Variants in LAT2 observed in about 807,000 individuals in gnomAD.
The protein encoded by LAT2 is linker for activation of T cells family member 2.
LAT2 carries 23 observed loss-of-function variants against 43.4 expected under a neutral mutation model. That is an observed-to-expected ratio of 0.53 (90% CI 0.38 to 0.75). LAT2 has a LOEUF of 0.75. LAT2 is among the 30% of genes least tolerant of loss of function. The pLI is 0.00. For synonymous variants in LAT2, 128 were observed against 123.2 expected, an observed-to-expected ratio of 1.04 and a Z score of -0.26; for missense variants, 284 against 310.2, an observed-to-expected ratio of 0.92 and a Z score of 0.64.
At chr7:74,218,117 CCCCA>C (rs1802109080) in intron 4 of LAT2, among the ~76,000 whole-genome samples, 1 of 152,136 alleles carries the variant, frequency 6.6e-6, no homozygotes, top group Non-Finnish European at 1.5e-5. Flanking sequence ...GACTCAGCGT[CCCCA>C]TGTGGGAGGT....
At chr7:74,215,758 C>A (rs782458804) in intron 2 of LAT2, among the ~76,000 whole-genome samples, 189 bp from the exon 3 acceptor site, 54 of 152,102 alleles carry the variant, frequency 3.6e-4, no homozygotes, top group Non-Finnish European at 6.6e-4. Context: ...GCCCACAGGG[C>A]AGAGGTGTTG....
At position 74,223,757 on chromosome 7, in the gene LAT2, T is replaced by C. The variant is rs782405752; in HGVS notation, c.422T>C (p.Ile141Thr). ...GCCAATTCCTACGAGAATGTGCTCA[T>C]TTGCAAGCAGAAAACCACAGAGACA... is the stretch of plus-strand genomic sequence containing the variant. ...DDANSYENVL[I>T]CKQKTTETGA... The change falls in exon 11 of 14, where the codon ATT becomes ACT. Residue 141 changes from isoleucine (I) to threonine (T), a missense_variant. Physicochemically the swap from Ile to Thr is moderately conservative, Grantham distance 89. Coordinates refer to ENST00000460943, the MANE Select transcript of LAT2 (RefSeq NM_032464.3). The C allele has an allele frequency of 1.9e-6, 3 of 1,613,884 alleles. No individual in the cohort carries two copies. Among genetic ancestry groups the C allele is most frequent in the East Asian group, 4.5e-5 (2 of 44,858 alleles).
intron 13 of LAT2, among the ~76,000 whole-genome samples, chr7:74,227,046 T>C (rs1307778299): frequency 2.1e-5 from 3 of 144,104 alleles, no homozygotes; most frequent in African/African-American, 7.8e-5. Context: ...GATAGAAAGG[T>C]TGTTTTTTCT....
rs1554715716 is a variant in LAT2, at chr7:74,224,118, C to T, written c.549C>T (p.Ser183=). The T allele has an allele frequency of 2.5e-6, 4 of 1,614,070 alleles. No individual in the cohort carries two copies. Among genetic ancestry groups the T allele is most frequent in the Non-Finnish European group, 2.5e-6 (3 of 1,180,032 alleles). ...GPTSGLCPSA[S]PEEDEESEDY... is the part of the protein sequence containing the mutation. ...CTTCTGGTCTCTGTCCCTCTGCCTC[C>T]CCGGAAGAAGATGAGGAATCTGAGG... The change falls in exon 12 of 14, where the codon TCC becomes TCT. Residue 183 remains serine (S), a synonymous_variant. Coordinates refer to ENST00000460943, the MANE Select transcript of LAT2 (RefSeq NM_032464.3).
chr7:74,219,139 C>T (rs1167760462), intron 4 of LAT2, among the ~76,000 whole-genome samples: 1 of 149,552 alleles, frequency 6.7e-6, no homozygotes, highest in African/African-American at 2.5e-5. Flanking sequence ...CGGGTTCACG[C>T]CATTCTCCTG....
intron 2 of LAT2, among the ~76,000 whole-genome samples, chr7:74,215,654 G>C (rs1277348051): frequency 6.6e-6 from 1 of 152,216 alleles, no homozygotes; most frequent in Non-Finnish European, 1.5e-5. Context: ...CAGTTGTCTA[G>C]ATTAAGCGAG....
intron 4 of LAT2, among the ~76,000 whole-genome samples, chr7:74,219,046 T>G (rs1584218145): frequency 8.6e-6 from 1 of 116,170 alleles, no homozygotes; most frequent in Admixed American, 9.3e-5. Flanking sequence ...TTTTTTTTTT[T>G]TGAGACGGAG....
intron 13 of LAT2, chr7:74,226,304 CTA>C (rs2116198872): frequency 6.6e-6 from 1 of 152,102 alleles, no homozygotes; most frequent in South Asian, 2.1e-4. Context: ...TGTCCAGCCT[CTA>C]TAAAAACATT....
chr7:74,216,385 T>C (rs996416489), intron 3 of LAT2, among the ~76,000 whole-genome samples: 12 of 152,096 alleles, frequency 7.9e-5, no homozygotes, highest in African/African-American at 2.9e-4. Context: ...TTTTTTCTTT[T>C]TTTTGGACAG....
intron 12 of LAT2, 107 bp downstream of exon 12, chr7:74,224,304 C>A (rs570251498): frequency 2.5e-6 from 3 of 1,210,338 alleles, no homozygotes; most frequent in Non-Finnish European, 3.6e-6. Flanking sequence ...GTCCAGCTAA[C>A]CCCGCAGTGA....
At chr7:74,211,647 C>T (rs1432569035) in intron 1 of LAT2, among the ~76,000 whole-genome samples, 4 of 151,954 alleles carry the variant, frequency 2.6e-5, no homozygotes, top group South Asian at 4.2e-4. Flanking sequence ...TTAGTAGAGA[C>T]GGGGTTTCGC....
chr7:74,214,086 GA>G (rs1288321563), intron 1 of LAT2, among the ~76,000 whole-genome samples: 4 of 103,824 alleles, frequency 3.9e-5, no homozygotes, highest in Non-Finnish European at 7.3e-5. Context: ...ATATATATAT[GA>G]AAAAATATAT....
At chr7:74,224,575 G>T in intron 12 of LAT2, 64 bp from the exon 13 acceptor site, 1 of 1,393,900 alleles carries the variant, frequency 7.2e-7, no homozygotes, top group South Asian at 1.2e-5. Context: ...TCTGAGTCTG[G>T]GGGAGCAGTC....
At chr7:74,216,542 T>C (rs1395074530) in intron 3 of LAT2, among the ~76,000 whole-genome samples, 4 of 152,070 alleles carry the variant, frequency 2.6e-5, no homozygotes, top group Admixed American at 2.6e-4. Context: ...TGGCTAATTT[T>C]TGTGTTTTTA....
Position 74,220,060 on chromosome 7 carries a change from C to T in LAT2, c.227+52C>T, listed in dbSNP as rs782810848. The T allele has an allele frequency of 6.2e-7, 1 of 1,600,778 alleles. No individual in the cohort carries two copies. The highest frequency in any genetic ancestry group is 8.5e-7 in the Non-Finnish European group (1 of 1,171,392). The stretch of plus-strand genomic sequence containing the variant: ...CAAGAATGAAAGTCCTGGAGGTCCT[C>T]ACCTGGTGAGCCCAGGTCAAGACCT... On this transcript the variant is annotated intron_variant, in intron 6 of 13. Transcript: ENST00000460943. This position sits in a 1 kb window ranked among gnomAD's most constrained non-coding sequence, Gnocchi z 4.5.
chr7:74,224,009 T>C lies in LAT2; in HGVS notation c.449-9T>C. The C allele has an allele frequency of 6.2e-7, 1 of 1,612,810 alleles. No individual in the cohort carries two copies. The highest frequency in any genetic ancestry group is 8.5e-7 in the Non-Finnish European group (1 of 1,179,518). On this transcript the variant is annotated splice_polypyrimidine_tract_variant and intron_variant, in intron 11 of 13. Transcript: ENST00000460943. Reference sequence around the variant, plus strand: ...TGAGCCAAGGGGGGCCTATTCTCCCTCTCTGCAGGTGCCCAGCAGGAGGGC... The same window carrying C: ...TGAGCCAAGGGGGGCCTATTCTCCCCCTCTGCAGGTGCCCAGCAGGAGGGC...
chr7:74,224,219 C>T (rs1294588310), intron 12 of LAT2, 22 bp downstream of exon 12: 2 of 1,607,662 alleles, frequency 1.2e-6, no homozygotes, highest in African/African-American at 2.7e-5. Flanking sequence ...GGAGAAGAGG[C>T]AGGGTGGTCC....
At chr7:74,212,575 G>T (rs1431086470) in intron 1 of LAT2, among the ~76,000 whole-genome samples, 1 of 152,108 alleles carries the variant, frequency 6.6e-6, no homozygotes, top group Non-Finnish European at 1.5e-5. Flanking sequence ...TACCCAGCCC[G>T]ACCTCATTTT....
At chr7:74,218,636 C>T (rs191217275) in intron 4 of LAT2, among the ~76,000 whole-genome samples, 149 of 152,280 alleles carry the variant, frequency 9.8e-4, no homozygotes, top group Non-Finnish European at 8.5e-4. Context: ...ATCTCATAGA[C>T]CAGAGCTTAA....
Sources: allele counts gnomAD v4.1 joint callset (sites outside exome capture counted in the v4.1 genomes callset), GRCh38; gene constraint gnomAD v4.1.1; non-coding constraint Gnocchi (gnomAD v3.1); transcripts MANE v1.5; gene names NCBI Gene and HGNC (gene_info 2026-07-23, HGNC 2026-07-21).